RAB11FIP4: variants seen among roughly 807,000 people sequenced by gnomAD.
The protein encoded by RAB11FIP4 is RAB11 family interacting protein 4, also known as rab11 family-interacting protein 4.
In RAB11FIP4, 23 loss-of-function variants were observed where a neutral mutation model predicts 74.3. The observed-to-expected ratio is 0.31, with a 90% CI of 0.22 to 0.44. RAB11FIP4 has a LOEUF of 0.44. Ranked by LOEUF, RAB11FIP4 falls within the 20% of genes least tolerant of loss-of-function variation. The pLI, the probability that RAB11FIP4 is intolerant of heterozygous loss-of-function variation, is 1.00. For synonymous variants in RAB11FIP4, 360 were observed against 359.9 expected, an observed-to-expected ratio of 1.00 and a Z score of 0.00; for missense variants, 630 against 863.9, an observed-to-expected ratio of 0.73 and a Z score of 3.39.
At chr17:31,495,639 G>C (rs1159498270) in intron 3 of RAB11FIP4, among the ~76,000 whole-genome samples, 2 of 152,160 alleles carry the variant, frequency 1.3e-5, no homozygotes, top group Non-Finnish European at 2.9e-5. Context: ...TGGAATTACA[G>C]GCATGAGCCA....
intron 3 of RAB11FIP4, among the ~76,000 whole-genome samples, chr17:31,443,876 C>G (rs562166220): frequency 6.6e-6 from 1 of 152,360 alleles, no homozygotes; most frequent in East Asian, 1.9e-4. Context: ...GATTGTGCCA[C>G]TGCACTCCAG....
intron 13 of RAB11FIP4, among the ~76,000 whole-genome samples, chr17:31,529,178 G>A (rs1386386796): frequency 6.7e-6 from 1 of 150,102 alleles, no homozygotes; most frequent in Admixed American, 6.7e-5. Context: ...GCTCACTGCA[G>A]CCTTGAATTC....
At chr17:31,416,384 G>T (rs560897602) in intron 1 of RAB11FIP4, among the ~76,000 whole-genome samples, 6 of 152,310 alleles carry the variant, frequency 3.9e-5, no homozygotes, top group Non-Finnish European at 7.4e-5. Flanking sequence ...TGGGCTCAGG[G>T]TGCAGGAACT....
At chr17:31,392,382 G>C (rs1383545280) in intron 1 of RAB11FIP4, 1 of 168,018 alleles carries the variant, frequency 6.0e-6, no homozygotes, top group Non-Finnish European at 1.3e-5. Context: ...CGGAGACCAA[G>C]ATGCAAGGGT....
chr17:31,488,379 G>C (rs1260292974), intron 3 of RAB11FIP4: 1 of 1,056,760 alleles, frequency 9.5e-7, no homozygotes, highest in Non-Finnish European at 1.1e-6. Flanking sequence ...CTTGGCCTGG[G>C]AGGTCGTGTT....
At chr17:31,426,926 C>T (rs1469451442) in intron 1 of RAB11FIP4, among the ~76,000 whole-genome samples, 1 of 151,966 alleles carries the variant, frequency 6.6e-6, no homozygotes, top group African/African-American at 2.4e-5. Context: ...TTCTAAAGGG[C>T]AGGACATCAG....
At chr17:31,472,860 C>A (rs923454125) in intron 3 of RAB11FIP4, among the ~76,000 whole-genome samples, 2 of 151,600 alleles carry the variant, frequency 1.3e-5, no homozygotes, top group Non-Finnish European at 2.9e-5. Context: ...TGGTGAAACC[C>A]CATCTCTACT....
At chr17:31,523,482 C>T (rs2072706261) in intron 7 of RAB11FIP4, 30 bp from the exon 8 acceptor site, 2 of 1,590,176 alleles carry the variant, frequency 1.3e-6, no homozygotes, top group South Asian at 2.2e-5. Flanking sequence ...AAGGCCCCTG[C>T]AGCCAGACAC....
At chr17:31,466,255 C>T (rs1335798784) in intron 3 of RAB11FIP4, among the ~76,000 whole-genome samples, 1 of 152,088 alleles carries the variant, frequency 6.6e-6, no homozygotes, top group African/African-American at 2.4e-5. Context: ...GAGACAGTGT[C>T]ATGTTGTGGT....
intron 3 of RAB11FIP4, among the ~76,000 whole-genome samples, chr17:31,444,180 G>A (rs1597919877): frequency 6.6e-6 from 1 of 152,284 alleles, no homozygotes; most frequent in African/African-American, 2.4e-5. Flanking sequence ...GCACTTATAA[G>A]TTCTAAAAAT....
rs1458503086 is a variant in RAB11FIP4, at chr17:31,517,731, G to A, written c.417G>A (p.Glu139=). 10 of 1,599,038 alleles carry A rather than the reference G, an allele frequency of 6.3e-6. No individual in the cohort carries two copies. The part of the protein sequence containing the change: ...REPGFFPEDE[E]EAMTLAPPEG... Reference sequence around the variant, plus strand: ...CCGGCTTTTTTCCCGAGGACGAGGAGGAGGCTATGACGCTGGCGCCACCTG... The same window carrying A: ...CCGGCTTTTTTCCCGAGGACGAGGAAGAGGCTATGACGCTGGCGCCACCTG... Residue 139 remains glutamate, a synonymous_variant, in exon 4 of 15, where the codon GAG becomes GAA. Transcript: ENST00000621161.
At chr17:31,417,690 A>G (rs1485523610) in intron 1 of RAB11FIP4, among the ~76,000 whole-genome samples, 2 of 152,250 alleles carry the variant, frequency 1.3e-5, no homozygotes, top group Admixed American at 6.5e-5. Flanking sequence ...GGGGGTTCCC[A>G]TAGACAGCTG....
rs558161376 is a variant in RAB11FIP4 at position 31,398,563 on chromosome 17, G to A, written c.159+6552G>A. Among the ~76,000 whole-genome samples, 13 of 152,264 alleles carry A rather than the reference G, an allele frequency of 8.5e-5. No individual in the cohort carries two copies. In the East Asian group the frequency reaches 1.4e-3, roughly 16 times the overall value. ...AATCAGCCCTTCCCATCAGCAAGAC[G>A]TGCCCTCCGAGGGATATCAGTGGGT... On this transcript the variant is annotated intron_variant, in intron 1 of 14. Coordinates refer to ENST00000621161, the MANE Select transcript of RAB11FIP4 (RefSeq NM_032932.6).
chr17:31,451,086 C>T (rs1031558681), intron 3 of RAB11FIP4, among the ~76,000 whole-genome samples: 1 of 152,172 alleles, frequency 6.6e-6, no homozygotes, highest in Non-Finnish European at 1.5e-5. Context: ...AGAGCCGCAC[C>T]CTGTACCTGT....
chr17:31,422,802 G>T (rs1306769615), intron 1 of RAB11FIP4, among the ~76,000 whole-genome samples: 1 of 151,484 alleles, frequency 6.6e-6, no homozygotes, highest in Non-Finnish European at 1.5e-5. Flanking sequence ...CATTTATTTC[G>T]GATTGTTCAC....
At chr17:31,448,267 G>A (rs2071488286) in intron 3 of RAB11FIP4, 1 of 150,970 alleles carries the variant, frequency 6.6e-6, no homozygotes, top group African/African-American at 2.4e-5. Context: ...AAGAAACAAA[G>A]TCTTGCTCTG....
intron 3 of RAB11FIP4, among the ~76,000 whole-genome samples, chr17:31,462,445 A>T (rs2071642811): frequency 6.6e-6 from 1 of 152,024 alleles, no homozygotes; most frequent in Admixed American, 6.6e-5. Context: ...TCCGCTTGGA[A>T]ATTTGCAGGG....
chr17:31,525,162 G>T lies in RAB11FIP4; in HGVS notation c.1206G>T (p.Arg402=). The stretch of plus-strand genomic sequence containing the variant: ...AGCAGGCTCTGGAGGAGGAGGCGCG[G>T]CGCCACCGCGAGGCCTACGGCAAGC... ...TAEQALEEEA[R]RHREAYGKLE... Residue 402 remains arginine (R), a synonymous_variant, in exon 10 of 15, where the codon CGG becomes CGT. Coordinates refer to ENST00000621161, the MANE Select transcript of RAB11FIP4 (RefSeq NM_032932.6). 1.9e-6 allele frequency: 3 copies of T among 1,549,262 alleles called. No individual in the cohort carries two copies. Among genetic ancestry groups the T allele is most frequent in the Middle Eastern group, 2.1e-4 (1 of 4,712 alleles).
chr17:31,425,756 T>C (rs61079240), intron 1 of RAB11FIP4, among the ~76,000 whole-genome samples: 13,264 of 152,250 alleles, frequency 0.087, 947 homozygotes, highest in East Asian at 0.32. Flanking sequence ...GCTTCTGCAA[T>C]GCCTGCCAGG....
Sources: allele counts gnomAD v4.1 joint callset (sites outside exome capture counted in the v4.1 genomes callset), GRCh38; gene constraint gnomAD v4.1.1; transcripts MANE v1.5; gene names NCBI Gene and HGNC (gene_info 2026-07-23, HGNC 2026-07-21).